The following DEPDC1B variants were observed in gnomAD, a reference collection of about 807,000 sequenced individuals.
DEPDC1B encodes the protein DEP domain containing 1B.
In DEPDC1B, 51 loss-of-function variants were observed where a neutral mutation model predicts 66.5. That is an observed-to-expected ratio of 0.77 (90% confidence interval 0.61 to 0.97). The LOEUF (loss-of-function observed/expected upper bound fraction) is 0.97. Ranked by LOEUF, DEPDC1B falls within the 50% of genes least tolerant of loss-of-function variation. The pLI, the probability that DEPDC1B is intolerant of heterozygous loss-of-function variation, is 0.00. For missense variants in DEPDC1B, 552 were observed against 637.1 expected, an observed-to-expected ratio of 0.87 and a Z score of 1.44; for synonymous variants, 226 against 223.6, an observed-to-expected ratio of 1.01 and a Z score of -0.10.
chr5:60,670,332 C>A (rs2111982712), intron 2 of DEPDC1B, among the ~76,000 whole-genome samples: 1 of 152,206 alleles, frequency 6.6e-6, no homozygotes, highest in Non-Finnish European at 1.5e-5. Context: ...TGAGATCGCG[C>A]CACTGCACTC....
At chr5:60,638,157 A>G (rs1753103107) in intron 7 of DEPDC1B, among the ~76,000 whole-genome samples, 2 of 152,234 alleles carry the variant, frequency 1.3e-5, no homozygotes. Flanking sequence ...TTCCAAGAAG[A>G]AAGGAATATC....
intron 7 of DEPDC1B, chr5:60,630,697 G>C (rs1752905978): frequency 6.6e-6 from 1 of 152,450 alleles, no homozygotes; most frequent in African/African-American, 2.4e-5. Flanking sequence ...CTCTGCAACT[G>C]TGGGCTCTTT....
chr5:60,699,286 G>A (rs1180337595), intron 1 of DEPDC1B, among the ~76,000 whole-genome samples: 1 of 107,208 alleles, frequency 9.3e-6, no homozygotes. Flanking sequence ...CAGAGAGGTC[G>A]GCAGACCAAG....
intron 7 of DEPDC1B, among the ~76,000 whole-genome samples, chr5:60,623,245 C>A (rs948242354): frequency 1.3e-5 from 2 of 152,098 alleles, no homozygotes; most frequent in Non-Finnish European, 2.9e-5. Flanking sequence ...AAGATGATCC[C>A]TTCCCTTGGC....
At chr5:60,617,692 G>C (rs1169072463) in intron 7 of DEPDC1B, among the ~76,000 whole-genome samples, 1 of 152,194 alleles carries the variant, frequency 6.6e-6, no homozygotes, top group Non-Finnish European at 1.5e-5. Flanking sequence ...AATAATGGGA[G>C]ACTTCAACAC....
At position 60,619,394 on chromosome 5, in the gene DEPDC1B, C is replaced by T. The variant is rs575878766; in HGVS notation, c.899-13538G>A. On this transcript the variant is annotated intron_variant, in intron 7 of 10. Coordinates refer to ENST00000265036, the MANE Select transcript of DEPDC1B (RefSeq NM_018369.3). The stretch of plus-strand genomic sequence containing the variant: ...TGATTGTATATCTAGAAAACCCCAT[C>T]GTCTCAGCCCAAAATCTCCTTAAGC... Among the ~76,000 whole-genome samples, 420 of 152,272 alleles carry T rather than the reference C, an allele frequency of 2.8e-3. 5 individuals are homozygous for T. The highest frequency in any genetic ancestry group is 0.013 in the Admixed American group (197 of 15,302).
At position 60,647,432 on chromosome 5, in the gene DEPDC1B, G is replaced by A. The variant is rs779518108; in HGVS notation, c.416C>T (p.Ser139Leu). 22 of 1,612,320 alleles carry A rather than the reference G, an allele frequency of 1.4e-5. No homozygotes were observed. Among genetic ancestry groups the A allele is most frequent in the Non-Finnish European group, 1.6e-5 (19 of 1,179,472 alleles). The change falls in exon 3 of 11, where the codon TCA (serine) becomes TTA (leucine). Residue 139 changes from serine to leucine, a missense_variant. Coordinates refer to ENST00000265036, the MANE Select transcript of DEPDC1B (RefSeq NM_018369.3). ...TGGCCTCACTGGGATGTTCTCTTGT[G>A]AAGTGCCTGGTGGGAGATCATTCCA... ...PEWNDLPPGT[S>L]QENIPVRPVV... is the part of the protein sequence containing the mutation.
intron 1 of DEPDC1B, among the ~76,000 whole-genome samples, chr5:60,699,092 C>A (rs74954198): frequency 6.6e-6 from 1 of 152,150 alleles, no homozygotes; most frequent in Admixed American, 6.5e-5. Flanking sequence ...GCTTGACTTA[C>A]TGGTATAGTG....
chr5:60,611,692 C>A (rs1447218520), intron 7 of DEPDC1B, among the ~76,000 whole-genome samples: 1 of 152,184 alleles, frequency 6.6e-6, no homozygotes, highest in Non-Finnish European at 1.5e-5. Flanking sequence ...TTAAGCCCCA[C>A]CCTAACCTAG....
At chr5:60,683,258 T>C (rs1754338325) in intron 2 of DEPDC1B, among the ~76,000 whole-genome samples, 1 of 152,052 alleles carries the variant, frequency 6.6e-6, no homozygotes, top group Admixed American at 6.6e-5. Context: ...GGCAAAACCC[T>C]GTCTCTACAA....
At chr5:60,648,813 A>T (rs910927630) in intron 2 of DEPDC1B, among the ~76,000 whole-genome samples, 2 of 152,258 alleles carry the variant, frequency 1.3e-5, no homozygotes, top group South Asian at 2.1e-4. Flanking sequence ...ATTCCAAAAT[A>T]TAAACTAAAT....
chr5:60,685,467 T>C (rs1012526130), intron 2 of DEPDC1B, among the ~76,000 whole-genome samples: 2 of 152,166 alleles, frequency 1.3e-5, no homozygotes, highest in Non-Finnish European at 2.9e-5. Flanking sequence ...GAAAAAATAA[T>C]TATTTAATGG....
intron 2 of DEPDC1B, among the ~76,000 whole-genome samples, chr5:60,668,082 A>ATT (rs1361962077): frequency 9.9e-6 from 1 of 100,712 alleles, no homozygotes; most frequent in Non-Finnish European, 1.8e-5. Flanking sequence ...TAAAATGGAT[A>ATT]TTTTATATAT....
intron 7 of DEPDC1B, among the ~76,000 whole-genome samples, chr5:60,638,508 T>C (rs1696596384): frequency 6.6e-6 from 1 of 152,202 alleles, no homozygotes; most frequent in African/African-American, 2.4e-5. Flanking sequence ...ATACAACATA[T>C]TATATTCTTT....
intron 6 of DEPDC1B, among the ~76,000 whole-genome samples, chr5:60,639,778 G>A (rs1008177161): frequency 6.6e-5 from 10 of 152,144 alleles, no homozygotes; most frequent in South Asian, 2.1e-4. Context: ...ATAGCAAGTC[G>A]TCCCATGAGG....
intron 7 of DEPDC1B, among the ~76,000 whole-genome samples, chr5:60,619,628 G>T (rs1264525518): frequency 1.3e-5 from 2 of 152,026 alleles, no homozygotes; most frequent in Non-Finnish European, 1.5e-5. Flanking sequence ...CACTGCTCAA[G>T]GAAATAAAAG....
rs542577481 is a variant in DEPDC1B, at chr5:60,677,684, T to C, written c.314+9278A>G. Among the ~76,000 whole-genome samples the C allele has an allele frequency of 5.5e-4, 83 of 152,182 alleles. No homozygotes were observed. The East Asian group carries it at 0.015, about 28-fold the overall frequency. The stretch of plus-strand genomic sequence containing the variant: ...CTGGAGTAGCTTGGTCTATGGTACA[T>C]GCCACCACTTCACCTAACTAAACTT... On this transcript the variant is annotated intron_variant, in intron 2 of 10. Transcript: ENST00000265036.
intron 2 of DEPDC1B, among the ~76,000 whole-genome samples, chr5:60,668,062 TA>T (rs1753923162): frequency 2.8e-5 from 2 of 72,646 alleles, no homozygotes; most frequent in Non-Finnish European, 4.6e-5. Context: ...ATGGATATTT[TA>T]TATATATATA....
rs147027000 is a variant in DEPDC1B at position 60,666,170 on chromosome 5, G to A, written c.315-18637C>T. ...GTGTTGGCTGTGCTTCTAACCCAGC[G>A]AGGCGCCCATTGCCACTCCTGATAG... On this transcript the variant is annotated intron_variant, in intron 2 of 10. Coordinates refer to ENST00000265036, the MANE Select transcript of DEPDC1B (RefSeq NM_018369.3). Among the ~76,000 whole-genome samples the A allele has an allele frequency of 9.4e-3, 1,437 of 152,228 alleles. 11 individuals carry two copies. The highest frequency in any genetic ancestry group is 0.016 in the Non-Finnish European group (1,088 of 68,012).
Sources: gnomAD v4.1 joint callset for allele counts (sites outside exome capture counted in the v4.1 genomes callset) on GRCh38, gnomAD v4.1.1 for gene constraint, MANE v1.5 for transcripts, NCBI Gene and HGNC (gene_info 2026-07-23, HGNC 2026-07-21) for gene names.